The following TAFA4 variants were observed in gnomAD, a reference collection of about 807,000 sequenced individuals.
TAFA4 encodes chemokine-like protein TAFA-4.
A neutral mutation model predicts 21.1 loss-of-function variants in TAFA4; 20 were observed. The ratio of observed to expected loss-of-function variants is 0.95; its 90% CI spans 0.67 to 1.38. The LOEUF (loss-of-function observed/expected upper bound fraction) is 1.38, where lower values mean the gene tolerates loss of function less well. Ranked by LOEUF, TAFA4 falls within the 40% of genes most tolerant of loss-of-function variation. The pLI, the probability that TAFA4 is intolerant of heterozygous loss-of-function variation, is 0.00. For missense variants in TAFA4, 211 were observed against 180.9 expected (o/e 1.17, Z -0.95); for synonymous variants, 71 against 67.4 (o/e 1.05, Z -0.26).
chr3:68,909,556 T>C (rs896967647), intron 1 of TAFA4, among the ~76,000 whole-genome samples: 2 of 152,152 alleles, frequency 1.3e-5, no homozygotes, highest in African/African-American at 2.4e-5. Flanking sequence ...CTCCCCAATC[T>C]GGAGGAGCCC....
chr3:68,865,951 A>G (rs2089410530), intron 3 of TAFA4, among the ~76,000 whole-genome samples: 2 of 152,068 alleles, frequency 1.3e-5, no homozygotes, highest in African/African-American at 4.8e-5. Flanking sequence ...ATTCACCCAG[A>G]TTTATGATTT....
intron 5 of TAFA4, 125 bp from the exon 6 acceptor site, chr3:68,733,278 C>A: frequency 8.3e-7 from 1 of 1,205,612 alleles, no homozygotes; most frequent in Non-Finnish European, 1.1e-6. Flanking sequence ...TACCTATAAC[C>A]GACCTCACCA....
intron 3 of TAFA4, among the ~76,000 whole-genome samples, chr3:68,835,041 T>A (rs945037847): frequency 4.6e-5 from 7 of 152,150 alleles, no homozygotes; most frequent in African/African-American, 1.7e-4. Context: ...GGAAGTGCAG[T>A]ATTCACTCCA....
intron 3 of TAFA4, among the ~76,000 whole-genome samples, chr3:68,829,279 A>G (rs914846011): frequency 6.6e-6 from 1 of 152,186 alleles, no homozygotes; most frequent in Non-Finnish European, 1.5e-5. Context: ...GACAAACCTG[A>G]CAAAAAACAA....
At chr3:68,789,501 T>C (rs1257665211) in intron 3 of TAFA4, among the ~76,000 whole-genome samples, 1 of 152,234 alleles carries the variant, frequency 6.6e-6, no homozygotes, top group East Asian at 1.9e-4. Context: ...TCACAATGTA[T>C]ATGTATATCA....
chr3:68,850,691 T>G (rs968886599), intron 3 of TAFA4, among the ~76,000 whole-genome samples: 3 of 152,116 alleles, frequency 2.0e-5, no homozygotes, highest in Non-Finnish European at 2.9e-5. Flanking sequence ...AATGCTTTCT[T>G]TTGAGAAGTG....
chr3:68,807,205 C>T (rs1342375073), intron 3 of TAFA4, among the ~76,000 whole-genome samples: 1 of 152,172 alleles, frequency 6.6e-6, no homozygotes, highest in Non-Finnish European at 1.5e-5. Flanking sequence ...AAAATCAAAA[C>T]AAAACCTCAC....
chr3:68,863,068 T>C (rs1476799066), intron 3 of TAFA4, among the ~76,000 whole-genome samples: 1 of 107,606 alleles, frequency 9.3e-6, no homozygotes, highest in South Asian at 2.7e-4. Context: ...ACCCCATCTC[T>C]ACAAAAAAAA....
chr3:68,874,032 T>G (rs944936751), intron 3 of TAFA4, among the ~76,000 whole-genome samples: 1 of 152,162 alleles, frequency 6.6e-6, no homozygotes, highest in Non-Finnish European at 1.5e-5. Context: ...CTGAAACAAA[T>G]TTCTCTATTG....
intron 3 of TAFA4, among the ~76,000 whole-genome samples, chr3:68,874,831 T>A (rs746096953): frequency 5.9e-5 from 9 of 152,106 alleles, no homozygotes; most frequent in Non-Finnish European, 8.8e-5. Context: ...CATGCTCATT[T>A]GTCAGACATT....
chr3:68,880,813 G>C lies in TAFA4; in HGVS notation c.47C>G (p.Ser16Trp). The change falls in exon 3 of 6, where the codon TCG (serine) becomes TGG (tryptophan). Residue 16 changes from serine to tryptophan, a missense_variant. By Grantham distance (177) the Ser-to-Trp change is radical. Coordinates refer to ENST00000295569, the MANE Select transcript of TAFA4 (RefSeq NM_182522.5). ...CACGTAGGCTAGAAAGAGCCAGTGC[G>C]ACAGCAACACTGACTTAGCACAGAC... ...MRVCAKSVLLSHWLFLAYVLM... is the reference protein window; with the variant it reads ...MRVCAKSVLLWHWLFLAYVLM... 1 of 1,613,646 alleles carries C rather than the reference G, an allele frequency of 6.2e-7. No homozygotes were observed. The highest frequency in any genetic ancestry group is 8.5e-7 in the Non-Finnish European group (1 of 1,179,926).
Position 68,739,176 on chromosome 3 carries a change from A to T in TAFA4, c.310T>A (p.Trp104Arg), listed in dbSNP as rs1472722132. 1.2e-6 allele frequency: 2 copies of T among 1,613,820 alleles called. No homozygotes were observed. Among genetic ancestry groups the T allele is most frequent in the Non-Finnish European group, 1.7e-6 (2 of 1,179,846 alleles). The stretch of plus-strand genomic sequence containing the variant: ...TCCAAACACGGATTCATGTGACACC[A>T]CCATTTCTGAATCACAATGGAAGCT... ...VEASIVIQKWWCHMNPCLEGE... is the reference protein window; with the variant it reads ...VEASIVIQKWRCHMNPCLEGE... Residue 104 changes from tryptophan to arginine, a missense_variant, in exon 5 of 6, where the codon TGG becomes AGG. Transcript: ENST00000295569.
chr3:68,889,728 T>C (rs933274837), intron 1 of TAFA4, among the ~76,000 whole-genome samples: 9 of 152,274 alleles, frequency 5.9e-5, no homozygotes, highest in Middle Eastern at 3.4e-3. Flanking sequence ...TGGAGCAACA[T>C]CCTGCAACAT....
At chr3:68,831,179 C>T (rs1411511624) in intron 3 of TAFA4, among the ~76,000 whole-genome samples, 4 of 152,268 alleles carry the variant, frequency 2.6e-5, no homozygotes, top group Non-Finnish European at 4.4e-5. Flanking sequence ...GGGCCTTTAG[C>T]CCATTACATT....
chr3:68,844,262 A>G (rs891563827), intron 3 of TAFA4, among the ~76,000 whole-genome samples: 2 of 152,156 alleles, frequency 1.3e-5, no homozygotes, highest in African/African-American at 4.8e-5. Flanking sequence ...GTATGTGTCC[A>G]GGAATTTATC....
chr3:68,878,670 A>G (rs1575654678), intron 3 of TAFA4, among the ~76,000 whole-genome samples: 1 of 152,346 alleles, frequency 6.6e-6, no homozygotes, highest in East Asian at 1.9e-4. Flanking sequence ...TACAGCTTGA[A>G]GCTACACAGT....
intron 3 of TAFA4, among the ~76,000 whole-genome samples, chr3:68,842,995 T>C (rs1704699149): frequency 6.6e-6 from 1 of 152,224 alleles, no homozygotes. Flanking sequence ...TTCTTTTCAC[T>C]TAGGATTGTC....
intron 1 of TAFA4, among the ~76,000 whole-genome samples, chr3:68,919,535 C>T (rs190461757): frequency 1.4e-4 from 22 of 152,188 alleles, no homozygotes; most frequent in Admixed American, 1.1e-3. Flanking sequence ...GCTGTCCGAT[C>T]GGGCAGCCAC....
chr3:68,791,646 T>G (rs113989706), intron 3 of TAFA4, among the ~76,000 whole-genome samples: 2 of 152,176 alleles, frequency 1.3e-5, no homozygotes, highest in African/African-American at 4.8e-5. Flanking sequence ...AATAAATGAC[T>G]TTGTTTCTGT....
Sources: allele counts gnomAD v4.1 joint callset (sites outside exome capture counted in the v4.1 genomes callset), GRCh38; gene constraint gnomAD v4.1.1; transcripts MANE v1.5; gene names NCBI Gene and HGNC (gene_info 2026-07-23, HGNC 2026-07-21).